Variants in GUK1 observed in about 807,000 individuals in gnomAD.
The protein encoded by GUK1 is guanylate kinase.
GUK1 carries 18 observed loss-of-function variants against 25.2 expected under a neutral mutation model. The observed-to-expected ratio is 0.71, with a 90% CI of 0.49 to 1.06. GUK1 has a LOEUF of 1.06. Among genes scored for constraint, GUK1 ranks in the 50% least tolerant of loss-of-function variants. The pLI is 0.00. For synonymous variants in GUK1, 105 were observed against 117.6 expected, an observed-to-expected ratio of 0.89 and a Z score of 0.69; for missense variants, 261 against 276.7, an observed-to-expected ratio of 0.94 and a Z score of 0.40.
intron 2 of GUK1, 47 bp from the exon 2 acceptor site, chr1:228,145,464 G>A (rs1437240748): frequency 6.5e-7 from 1 of 1,538,174 alleles, no homozygotes; most frequent in Non-Finnish European, 8.8e-7. Context: ...CAGCAGATGG[G>A]GACTAGAGGC....
chr1:228,147,532 A>G lies in GUK1; in HGVS notation c.378A>G (p.Ser126=). ...TCTACATCTCTGTGCAGCCGCCTTC[A>G]CTGCACGTGCTGGTGTGTGCTGGGC... The change falls in exon 6 of 9, where the codon TCA becomes TCG. Residue 126 remains serine, a synonymous_variant. Coordinates refer to ENST00000312726, the MANE Select transcript of GUK1 (RefSeq NM_000858.7). 1 of 1,613,326 alleles carries G rather than the reference A, an allele frequency of 6.2e-7. No homozygotes were observed. Among genetic ancestry groups the G allele is most frequent in the South Asian group, 1.1e-5 (1 of 91,082 alleles).
intron 2 of GUK1, among the ~76,000 whole-genome samples, chr1:228,143,578 T>C (rs1397087519): frequency 6.6e-6 from 1 of 152,150 alleles, no homozygotes; most frequent in South Asian, 2.1e-4. Context: ...GCTCATTGAT[T>C]GTGGGAGACT....
chr1:228,146,676 G>A (rs969338189), intron 4 of GUK1, 166 bp from the exon 4 acceptor site: 1 of 623,470 alleles, frequency 1.6e-6, no homozygotes, highest in Non-Finnish European at 2.9e-6. Context: ...CAGGCACTTG[G>A]CAGCACTTGA....
chr1:228,147,984 G>T lies in GUK1; in HGVS notation c.475+285G>T, dbSNP rs1438837943. 4 of 583,096 alleles carry T rather than the reference G, an allele frequency of 6.9e-6. No homozygotes were observed. In the African/African-American group the frequency reaches 7.5e-5, roughly 11 times the overall value. The allele number at this position is 583,096 out of a possible 1,614,324, so 36.1% of individuals were successfully genotyped here. A position where few individuals can be genotyped will look rare whatever the true frequency, so the allele number is the denominator to read the frequency against. The stretch of plus-strand genomic sequence containing the variant: ...CCCATCGCCCAGGGTCCCATGAGAT[G>T]TCCCCAACCTTCTAGCCCCGGGGGT... On this transcript the variant is annotated intron_variant, in intron 7 of 8. Coordinates refer to ENST00000312726, the MANE Select transcript of GUK1 (RefSeq NM_000858.7).
Position 228,148,939 on chromosome 1 carries a change from AT to A in GUK1, c.*244del. The A allele has an allele frequency of 9.3e-7, 1 of 1,077,764 alleles. No homozygotes were observed. Among genetic ancestry groups the A allele is most frequent in the Non-Finnish European group, 1.3e-6 (1 of 764,438 alleles). The allele number at this position is 1,077,764 out of a possible 1,614,324, so 66.8% of individuals were successfully genotyped here. A position where few individuals can be genotyped will look rare whatever the true frequency, so the allele number is the denominator to read the frequency against. Reference sequence around the variant, plus strand: ...GACATCCTAATAAAATAACTGTTGGATTAGAAACTCCATAAATGAGTGGAAT... The same window carrying A: ...GACATCCTAATAAAATAACTGTTGGATAGAAACTCCATAAATGAGTGGAAT... On this transcript the variant is annotated 3_prime_UTR_variant, in exon 9 of 9. Coordinates refer to ENST00000312726, the MANE Select transcript of GUK1 (RefSeq NM_000858.7).
intron 2 of GUK1, among the ~76,000 whole-genome samples, chr1:228,142,422 A>C (rs1451843044): frequency 6.6e-6 from 1 of 152,232 alleles, no homozygotes; most frequent in Admixed American, 6.5e-5. Flanking sequence ...CCTGCCTGGC[A>C]GCAGCTGGGT....
chr1:228,147,411 TGGCGGTGCA>T lies in GUK1; in HGVS notation c.261_269del (p.Val91_Ala93del). 6.2e-7 allele frequency: 1 copy of T among 1,610,214 alleles called. No individual in the cohort carries two copies. On this transcript the variant is annotated inframe_deletion, in exon 6 of 9. Coordinates refer to ENST00000312726, the MANE Select transcript of GUK1 (RefSeq NM_000858.7). ...GACCTGGCACCTCTCCCCAGCAAGG[TGGCGGTGCA>T]GGCCGTGCAGGCCATGAACCGCATC...
chr1:228,148,379 C>A lies in GUK1; in HGVS notation c.484C>A (p.Pro162Thr). Residue 162 changes from proline (P) to threonine (T), a missense_variant, in exon 8 of 9, where the codon CCC becomes ACC. Pro to Thr is a conservative substitution (Grantham distance 38, BLOSUM62 -1). Transcript: ENST00000312726. ...CCAGGCCCCACCCACAGGCAAGGAG[C>A]CCGGCCTGTTTGATGTGGTCATCAT... 6.4e-7 allele frequency: 1 copy of A among 1,554,510 alleles called. No homozygotes were observed. Among genetic ancestry groups the A allele is most frequent in the Non-Finnish European group, 8.7e-7 (1 of 1,144,904 alleles).
intron 5 of GUK1, 102 bp downstream of exon 4, chr1:228,147,040 T>C: frequency 8.6e-6 from 7 of 816,122 alleles, no homozygotes; most frequent in Non-Finnish European, 1.5e-5. Context: ...ACCCACCCCA[T>C]GGTTATGAAT....
At chr1:228,143,466 G>C (rs1483183963) in intron 2 of GUK1, among the ~76,000 whole-genome samples, 1 of 152,230 alleles carries the variant, frequency 6.6e-6, no homozygotes, top group East Asian at 1.9e-4. Flanking sequence ...TGTGATCTCA[G>C]TGCTTCAAGT....
chr1:228,140,260 G>A, upstream of GUK1: 1 of 1,505,978 alleles, frequency 6.6e-7, no homozygotes, highest in South Asian at 1.2e-5. Flanking sequence ...GGGCCGGTGC[G>A]GCGCTGTCAC....
chr1:228,147,486 A>G lies in GUK1; in HGVS notation c.332A>G (p.Lys111Arg). 1.2e-6 allele frequency: 2 copies of G among 1,613,200 alleles called. No individual in the cohort carries two copies. Among genetic ancestry groups the G allele is most frequent in the East Asian group, 4.5e-5 (2 of 44,876 alleles). The stretch of plus-strand genomic sequence containing the variant: ...GACCTGCAGGGTGTGCGGAACATCA[A>G]GGCCACCGATCTGCGGCCCATCTAC... Residue 111 changes from lysine to arginine, a missense_variant, in exon 6 of 9, where the codon AAG (lysine) becomes AGG (arginine). Coordinates refer to ENST00000312726, the MANE Select transcript of GUK1 (RefSeq NM_000858.7).
In GUK1 at chr1:228,148,764, C is replaced by T; in HGVS notation, c.*67C>T. The T allele has an allele frequency of 3.7e-5, 60 of 1,610,966 alleles. No individual in the cohort carries two copies. Among genetic ancestry groups the T allele is most frequent in the Non-Finnish European group, 5.0e-5 (59 of 1,179,318 alleles). ...CAGGGCAGCAGCATTGAGCCACCCCCTTGGCAGGCGATACGGCAGCTCTGT... is the reference window on the plus strand; with the variant it reads ...CAGGGCAGCAGCATTGAGCCACCCCTTTGGCAGGCGATACGGCAGCTCTGT... On this transcript the variant is annotated 3_prime_UTR_variant, in exon 9 of 9. Transcript: ENST00000312726.
intron 8 of GUK1, 61 bp from the exon 8 acceptor site, chr1:228,148,604 C>A: frequency 6.7e-7 from 1 of 1,488,354 alleles, no homozygotes; most frequent in South Asian, 1.2e-5. Context: ...GGAGGGAGAG[C>A]AGGAAGCCCA....
intron 7 of GUK1, chr1:228,148,136 G>A (rs1429423819): frequency 3.2e-6 from 2 of 632,090 alleles, no homozygotes; most frequent in Admixed American, 2.4e-5. Flanking sequence ...GTCCTGATGG[G>A]TGCTGGTGTC....
At chr1:228,148,629 C>G in intron 8 of GUK1, 36 bp from the exon 8 acceptor site, 1 of 1,566,304 alleles carries the variant, frequency 6.4e-7, no homozygotes, top group Non-Finnish European at 8.7e-7. Context: ...TTCCTGGATA[C>G]CAGCCCTCCC....
At chr1:228,141,764 T>C in intron 2 of GUK1, 1 of 1,312,320 alleles carries the variant, frequency 7.6e-7, no homozygotes, top group Non-Finnish European at 1.0e-6. Flanking sequence ...GGAACATGGA[T>C]CTGCGCCGGC....
chr1:228,147,070 G>T, intron 5 of GUK1, 132 bp downstream of exon 4: 1 of 715,242 alleles, frequency 1.4e-6, no homozygotes, highest in East Asian at 2.6e-5. Flanking sequence ...TTGTGGCCCA[G>T]GGCCAGGCTC....
intron 2 of GUK1, chr1:228,141,315 G>A: frequency 1.0e-6 from 1 of 961,972 alleles, no homozygotes; most frequent in Non-Finnish European, 1.2e-6. Flanking sequence ...GTCCCCCCCG[G>A]GGAAAGAAAG....
Sources: allele counts gnomAD v4.1 joint callset (sites outside exome capture counted in the v4.1 genomes callset), GRCh38; gene constraint gnomAD v4.1.1; transcripts MANE v1.5; gene names NCBI Gene and HGNC (gene_info 2026-07-23, HGNC 2026-07-21).